Variants in AFG2A observed in about 807,000 individuals in gnomAD.
The protein encoded by AFG2A is ATPase family gene 2 protein homolog A.
chr4:123,169,661 A>G, the AFG2A span, among the ~76,000 whole-genome samples: 1 of 151,912 alleles, frequency 6.6e-6, no homozygotes, highest in Admixed American at 6.6e-5. Flanking sequence ...TTGTATTTTT[A>G]ATAGAGACGG....
At chr4:123,091,020 T>C in the AFG2A span, among the ~76,000 whole-genome samples, 1 of 152,236 alleles carries the variant, frequency 6.6e-6, no homozygotes, top group African/African-American at 2.4e-5. Flanking sequence ...GAATCTTGAC[T>C]GCATATGCCC....
chr4:123,002,214 G>A, the AFG2A span, among the ~76,000 whole-genome samples: 7 of 151,850 alleles, frequency 4.6e-5, no homozygotes, highest in Admixed American at 3.3e-4. Flanking sequence ...ATGTGAGATG[G>A]GTTTCCTGAA....
the AFG2A span, among the ~76,000 whole-genome samples, chr4:123,137,580 AT>A: frequency 6.6e-6 from 1 of 152,124 alleles, no homozygotes; most frequent in African/African-American, 2.4e-5. Context: ...ACATGTATGT[AT>A]TATTTTATTA....
At chr4:123,221,109 C>T in the AFG2A span, among the ~76,000 whole-genome samples, 1 of 152,120 alleles carries the variant, frequency 6.6e-6, no homozygotes, top group Non-Finnish European at 1.5e-5. Context: ...GTGGCTTTTC[C>T]AGCACCTGAA....
the AFG2A span, among the ~76,000 whole-genome samples, chr4:123,167,487 A>G: frequency 6.6e-6 from 1 of 152,002 alleles, no homozygotes. Flanking sequence ...AGCTGGGAGT[A>G]CAGGCGCCCG....
At chr4:123,040,939 T>C in the AFG2A span, among the ~76,000 whole-genome samples, 1 of 152,116 alleles carries the variant, frequency 6.6e-6, no homozygotes, top group African/African-American at 2.4e-5. Context: ...TAATTACTCA[T>C]CCAAAACACT....
chr4:123,167,811 A>G, the AFG2A span, among the ~76,000 whole-genome samples: 2 of 152,184 alleles, frequency 1.3e-5, no homozygotes, highest in Non-Finnish European at 2.9e-5. Flanking sequence ...CTCTAATGCA[A>G]TTTTTGATGT....
the AFG2A span, among the ~76,000 whole-genome samples, chr4:123,023,382 GA>G: frequency 3.4e-3 from 520 of 151,786 alleles, 2 homozygotes; most frequent in Middle Eastern, 0.014. Flanking sequence ...AAATAAAAAA[GA>G]AAAAAATAAT....
At chr4:123,178,853 A>G in the AFG2A span, among the ~76,000 whole-genome samples, 1 of 152,202 alleles carries the variant, frequency 6.6e-6, no homozygotes, top group Non-Finnish European at 1.5e-5. Flanking sequence ...AAGTGTACAA[A>G]TGGTATTTAA....
At chr4:123,026,953 A>G in the AFG2A span, among the ~76,000 whole-genome samples, 10 of 152,124 alleles carry the variant, frequency 6.6e-5, no homozygotes, top group African/African-American at 1.7e-4. Context: ...TCCGAGTCTG[A>G]ATCCTGAATA....
chr4:123,174,072 T>C, the AFG2A span, among the ~76,000 whole-genome samples: 1 of 152,148 alleles, frequency 6.6e-6, no homozygotes, highest in African/African-American at 2.4e-5. Flanking sequence ...TTATACATTG[T>C]CTATGTGGGC....
the AFG2A span, among the ~76,000 whole-genome samples, chr4:123,193,462 T>G: frequency 6.6e-6 from 1 of 152,246 alleles, no homozygotes; most frequent in African/African-American, 2.4e-5. Flanking sequence ...TACAGGTTAT[T>G]CCTAATAAAC....
At chr4:123,120,511 T>A in the AFG2A span, among the ~76,000 whole-genome samples, 2 of 152,224 alleles carry the variant, frequency 1.3e-5, no homozygotes, top group Non-Finnish European at 2.9e-5. Context: ...TGTGCCCTTC[T>A]GGCAAGACTG....
chr4:122,950,340 A>T, the AFG2A span, among the ~76,000 whole-genome samples: 5 of 142,822 alleles, frequency 3.5e-5, no homozygotes, highest in East Asian at 4.1e-4. Context: ...GTCATTGTTA[A>T]TTTTTTTTTT....
At chr4:123,060,341 C>T in the AFG2A span, among the ~76,000 whole-genome samples, 7 of 152,272 alleles carry the variant, frequency 4.6e-5, no homozygotes, top group Admixed American at 6.5e-5. Flanking sequence ...TTCCCTTCCA[C>T]TCTGTCCTAG....
chr4:123,022,746 T>A, the AFG2A span, among the ~76,000 whole-genome samples: 10 of 151,954 alleles, frequency 6.6e-5, no homozygotes, highest in Non-Finnish European at 1.2e-4. Context: ...GTATGTTTAT[T>A]GTGGCACTAT....
the AFG2A span, among the ~76,000 whole-genome samples, chr4:123,083,409 A>AT: frequency 2.0e-4 from 9 of 44,954 alleles, no homozygotes; most frequent in African/African-American, 3.9e-4. Context: ...TGATTATGAG[A>AT]TTTTTTTCTT....
chr4:122,925,261 C>T, the AFG2A span, among the ~76,000 whole-genome samples: 9 of 152,194 alleles, frequency 5.9e-5, no homozygotes, highest in Non-Finnish European at 1.5e-5. Context: ...ACACCATCAT[C>T]TCTCACCTGG....
At chr4:123,248,970 A>G in the AFG2A span, among the ~76,000 whole-genome samples, 1 of 152,220 alleles carries the variant, frequency 6.6e-6, no homozygotes, top group Non-Finnish European at 1.5e-5. Flanking sequence ...CCATATGCCA[A>G]ACACTGAGCT....
Sources: allele counts gnomAD v4.1 joint callset (sites outside exome capture counted in the v4.1 genomes callset), GRCh38; gene constraint gnomAD v4.1.1; transcripts MANE v1.5; gene names NCBI Gene and HGNC (gene_info 2026-07-23, HGNC 2026-07-21).